LINGO1: variants seen among roughly 807,000 people sequenced by gnomAD.
The protein encoded by LINGO1 is leucine-rich repeat and immunoglobulin-like domain-containing nogo receptor-interacting protein 1.
Under a neutral mutation model 37.3 loss-of-function variants are expected in LINGO1, and 11 were observed. The ratio of observed to expected loss-of-function variants is 0.29; its 90% CI spans 0.19 to 0.49. The LOEUF is 0.49. LINGO1 is among the 20% of genes least tolerant of loss of function. The pLI, the probability that LINGO1 is intolerant of heterozygous loss-of-function variation, is 0.99. For synonymous variants in LINGO1, 387 were observed against 403.0 expected (o/e 0.96, Z 0.48); for missense variants, 585 against 878.2 (o/e 0.67, Z 4.22).
At chr15:77,816,870 T>C (rs779339273) in intron 1 of LINGO1, among the ~76,000 whole-genome samples, 1 of 152,014 alleles carries the variant, frequency 6.6e-6, no homozygotes, top group Non-Finnish European at 1.5e-5. Context: ...AAGCTAGGCG[T>C]CTTGCCATGC....
intron 1 of LINGO1, among the ~76,000 whole-genome samples, chr15:77,815,976 T>A (rs4243053): frequency 3.9e-5 from 6 of 152,048 alleles, no homozygotes; most frequent in Non-Finnish European, 8.8e-5. Context: ...CCTTTGCCAG[T>A]GCCGTGCCAT....
chr15:77,688,592 C>T (rs2075551929), intron 2 of LINGO1, among the ~76,000 whole-genome samples: 1 of 152,128 alleles, frequency 6.6e-6, no homozygotes, highest in African/African-American at 2.4e-5. Context: ...GGAGACCCTC[C>T]CACCCGAGAT....
At chr15:77,715,309 G>T (rs1596147306) in intron 2 of LINGO1, among the ~76,000 whole-genome samples, 1 of 152,222 alleles carries the variant, frequency 6.6e-6, no homozygotes, top group African/African-American at 2.4e-5. Context: ...GCCTAGGAGG[G>T]GTCTGAGGAG....
chr15:77,773,403 CCT>C (rs2076605023), intron 1 of LINGO1, among the ~76,000 whole-genome samples: 1 of 152,156 alleles, frequency 6.6e-6, no homozygotes. Context: ...CACAGCAGCC[CCT>C]GATGTTGGCA....
chr15:77,747,094 CT>C (rs1246031079), intron 1 of LINGO1, among the ~76,000 whole-genome samples: 1 of 152,214 alleles, frequency 6.6e-6, no homozygotes, highest in African/African-American at 2.4e-5. Flanking sequence ...CCCTCCCTGC[CT>C]TTAGCTCCAC....
At chr15:77,793,076 C>T (rs12902298) in intron 2 of LINGO1, among the ~76,000 whole-genome samples, 75,392 of 151,906 alleles carry the variant, frequency 0.5, 19,547 homozygotes, top group South Asian at 0.61. Flanking sequence ...CATAAGCCAC[C>T]CCCCAGTGAG....
At chr15:77,789,526 G>A (rs1397390472), upstream of LINGO1, among the ~76,000 whole-genome samples, 1 of 152,196 alleles carries the variant, frequency 6.6e-6, no homozygotes, top group African/African-American at 2.4e-5. Context: ...AGAATTGCTT[G>A]AACCCAGGAG....
intron 1 of LINGO1, chr15:77,785,120 C>A (rs1471097017): frequency 6.6e-6 from 1 of 152,234 alleles, no homozygotes; most frequent in African/African-American, 2.4e-5. Flanking sequence ...CCGGCGCCCT[C>A]TCCAGGCTGT....
chr15:77,647,916 T>C (rs1241688791), intron 3 of LINGO1: 1 of 456,510 alleles, frequency 2.2e-6, no homozygotes, highest in African/African-American at 2.0e-5. Context: ...CACATTCCCC[T>C]TCTCTATGAA....
At chr15:77,704,754 AT>A (rs1475677578) in intron 2 of LINGO1, among the ~76,000 whole-genome samples, 2 of 152,132 alleles carry the variant, frequency 1.3e-5, no homozygotes, top group African/African-American at 4.8e-5. Flanking sequence ...CCCTTGACAC[AT>A]TAAGCAATGG....
rs189914228 is a variant in LINGO1 at position 77,631,261 on chromosome 15, G to A, written c.6+1049C>T. Among the ~76,000 whole-genome samples, 1,353 of 152,316 alleles carry A rather than the reference G, an allele frequency of 8.9e-3. 9 individuals carry two copies. Among genetic ancestry groups the A allele is most frequent in the Middle Eastern group, 0.017 (5 of 294 alleles). On this transcript the variant is annotated intron_variant, in intron 1 of 1. Coordinates refer to ENST00000355300, the MANE Select transcript of LINGO1 (RefSeq NM_032808.7). ...GCAGAGGACTGAGGGAGGGCTGGGC[G>A]AGCAGGAAGGGGCTGTCCAGATGCC...
At chr15:77,774,165 G>A (rs1014970014) in intron 1 of LINGO1, among the ~76,000 whole-genome samples, 3 of 152,094 alleles carry the variant, frequency 2.0e-5, no homozygotes, top group African/African-American at 7.3e-5. Context: ...CCAGGTGTGG[G>A]GGCACAGCCT....
At chr15:77,732,384 T>C (rs1167797655) in intron 2 of LINGO1, among the ~76,000 whole-genome samples, 1 of 152,246 alleles carries the variant, frequency 6.6e-6, no homozygotes, top group African/African-American at 2.4e-5. Flanking sequence ...TTTAGGGAAC[T>C]GGCCTAACAC....
intron 1 of LINGO1, among the ~76,000 whole-genome samples, chr15:77,740,327 C>T (rs2141347282): frequency 6.6e-6 from 1 of 152,268 alleles, no homozygotes; most frequent in Non-Finnish European, 1.5e-5. Flanking sequence ...TGGTGCTCTG[C>T]CTGCAGAAAA....
chr15:77,776,448 AGCAGGAAG>A lies in LINGO1; in HGVS notation c.-257+10413_-257+10420del, dbSNP rs767799691. Among the ~76,000 whole-genome samples the A allele has an allele frequency of 2.2e-3, 228 of 103,764 alleles. 3 individuals carry two copies. Among genetic ancestry groups the A allele is most frequent in the African/African-American group, 9.9e-3 (216 of 21,724 alleles). The allele number at this position is 103,764 out of a possible 152,430, so 68.1% of individuals were successfully genotyped here. A position where few individuals can be genotyped will look rare whatever the true frequency, so the allele number is the denominator to read the frequency against. Reference sequence around the variant, plus strand: ...GGCAGGTCACCTGTCCCGGGGCTTTAGCAGGAAGGCAGGAAGGCAGGAAGGCAGGAAGG... The same window carrying A: ...GGCAGGTCACCTGTCCCGGGGCTTTAGCAGGAAGGCAGGAAGGCAGGAAGG... On this transcript the variant is annotated intron_variant, in intron 1 of 3. Coordinates refer to the LINGO1 transcript ENST00000561686.
At chr15:77,819,144 C>G (rs1231051925) in intron 1 of LINGO1, 2 of 150,112 alleles carry the variant, frequency 1.3e-5, no homozygotes, top group Admixed American at 1.3e-4. Flanking sequence ...CCCGCCGCTG[C>G]CCCCGAGGCT....
At chr15:77,792,572 G>A (rs972303228) in intron 2 of LINGO1, among the ~76,000 whole-genome samples, 3 of 152,232 alleles carry the variant, frequency 2.0e-5, no homozygotes, top group Admixed American at 2.0e-4. Context: ...TCATCCGAGA[G>A]GACTTTCCTG....
chr15:77,649,661 G>T (rs1443187591), intron 3 of LINGO1, among the ~76,000 whole-genome samples: 1 of 152,140 alleles, frequency 6.6e-6, no homozygotes, highest in Non-Finnish European at 1.5e-5. Context: ...GGGTACTGGG[G>T]AAGGTTTCTA....
chr15:77,636,920 G>A (rs1383374946), upstream of LINGO1, among the ~76,000 whole-genome samples: 1 of 152,212 alleles, frequency 6.6e-6, no homozygotes, highest in Non-Finnish European at 1.5e-5. Flanking sequence ...GTGGAGGCCA[G>A]ACAGGGATGG....
Sources: gnomAD v4.1 joint callset for allele counts (sites outside exome capture counted in the v4.1 genomes callset) on GRCh38, gnomAD v4.1.1 for gene constraint, MANE v1.5 for transcripts, NCBI Gene and HGNC (gene_info 2026-07-23, HGNC 2026-07-21) for gene names.